Variants in DOCK10 observed in about 807,000 individuals in gnomAD.
The protein encoded by DOCK10 is dedicator of cytokinesis 10.
DOCK10 carries 145 observed loss-of-function variants against 280.1 expected under a neutral mutation model. The observed-to-expected ratio is 0.52, with a 90% CI of 0.45 to 0.59. The LOEUF (loss-of-function observed/expected upper bound fraction) is 0.59. Ranked by LOEUF, DOCK10 falls within the 20% of genes least tolerant of loss-of-function variation. The pLI is 0.00. For missense variants in DOCK10, 2,368 were observed against 2,651.7 expected (o/e 0.89, Z 2.35); for synonymous variants, 915 against 942.2 (o/e 0.97, Z 0.53).
chr2:224,916,125 GT>G (rs1701297110), intron 3 of DOCK10, among the ~76,000 whole-genome samples: 1 of 152,252 alleles, frequency 6.6e-6, no homozygotes, highest in South Asian at 2.1e-4. Flanking sequence ...GCTGGGCACA[GT>G]GGCTCATGCC....
intron 1 of DOCK10, among the ~76,000 whole-genome samples, chr2:225,030,487 G>C (rs1254853303): frequency 6.6e-6 from 1 of 152,122 alleles, no homozygotes; most frequent in East Asian, 1.9e-4. Flanking sequence ...TCTGCACCCT[G>C]CTCGGGGTGG....
intron 24 of DOCK10, among the ~76,000 whole-genome samples, chr2:224,838,424 T>G (rs930192665): frequency 6.6e-6 from 1 of 152,324 alleles, no homozygotes. Flanking sequence ...ATGGCTATAG[T>G]GCTTAGGAAT....
chr2:224,768,822 C>A (rs940997687), intron 55 of DOCK10: 1 of 447,846 alleles, frequency 2.2e-6, no homozygotes, highest in African/African-American at 2.0e-5. Context: ...GAGAGGGGTA[C>A]ACCAGAAGGC....
At chr2:224,932,661 T>A (rs1702459377) in intron 1 of DOCK10, among the ~76,000 whole-genome samples, 1 of 152,050 alleles carries the variant, frequency 6.6e-6, no homozygotes, top group Non-Finnish European at 1.5e-5. Context: ...GTGAAAAAAA[T>A]TATTATTTTT....
chr2:224,814,434 G>A (rs1693989985), intron 30 of DOCK10, 70 bp from the exon 31 acceptor site: 1 of 841,000 alleles, frequency 1.2e-6, no homozygotes, highest in Non-Finnish European at 1.8e-6. Context: ...TATTCATTAT[G>A]TGTAGTTTAT....
At chr2:224,965,402 C>G (rs1329603917) in intron 1 of DOCK10, among the ~76,000 whole-genome samples, 1 of 152,204 alleles carries the variant, frequency 6.6e-6, no homozygotes, top group Non-Finnish European at 1.5e-5. Flanking sequence ...CTACACAAGA[C>G]GGTCTGCAGT....
chr2:224,767,211 T>G (rs1210422118), intron 55 of DOCK10, among the ~76,000 whole-genome samples: 1 of 152,174 alleles, frequency 6.6e-6, no homozygotes, highest in East Asian at 1.9e-4. Context: ...TCACCCAGGT[T>G]GGAGTGCAGT....
At chr2:224,917,244 T>C (rs1243804382) in intron 2 of DOCK10, among the ~76,000 whole-genome samples, 1 of 151,906 alleles carries the variant, frequency 6.6e-6, no homozygotes, top group Non-Finnish European at 1.5e-5. Flanking sequence ...TAGCTGGGAT[T>C]ACAGGTGCCC....
At chr2:224,848,232 A>G (rs1166397027) in intron 19 of DOCK10, among the ~76,000 whole-genome samples, 4 of 152,210 alleles carry the variant, frequency 2.6e-5, no homozygotes, top group Non-Finnish European at 4.4e-5. Context: ...TAACAATTGC[A>G]TACTGTTTTA....
rs1312801790 is a variant in DOCK10, at chr2:224,786,120, G to A, written c.5655+902C>T. Among the ~76,000 whole-genome samples the A allele has an allele frequency of 3.3e-5, 5 of 152,054 alleles. No individual in the cohort carries two copies. The highest frequency in any genetic ancestry group is 7.2e-5 in the African/African-American group (3 of 41,400). ...CTGAGGCAGGAGAATTGCTTGAACC[G>A]GGACCCAGGAGGCGGAGGTTGCAGT... On this transcript the variant is annotated intron_variant, in intron 50 of 55. Transcript: ENST00000258390. The surrounding 1 kb of genome is among the most constrained non-coding windows in gnomAD (Gnocchi z 4.7).
At chr2:224,855,396 T>C (rs1278588478) in intron 15 of DOCK10, among the ~76,000 whole-genome samples, 1 of 152,254 alleles carries the variant, frequency 6.6e-6, no homozygotes, top group Non-Finnish European at 1.5e-5. Context: ...GTATTTAAAC[T>C]GGCTTAAGTA....
chr2:224,798,708 G>C (rs370159624), intron 41 of DOCK10, among the ~76,000 whole-genome samples: 190 of 150,482 alleles, frequency 1.3e-3, no homozygotes, highest in African/African-American at 4.1e-3. Flanking sequence ...CATAGCTCAC[G>C]GCAGCCTCCA....
At chr2:224,910,396 T>C (rs1018306775) in intron 3 of DOCK10, among the ~76,000 whole-genome samples, 6 of 152,186 alleles carry the variant, frequency 3.9e-5, no homozygotes, top group Non-Finnish European at 8.8e-5. Context: ...AGCAATTTTA[T>C]AGCAAAACAC....
chr2:224,990,108 G>T (rs1448484069), intron 1 of DOCK10, among the ~76,000 whole-genome samples: 1 of 152,176 alleles, frequency 6.6e-6, no homozygotes, highest in Admixed American at 6.5e-5. Flanking sequence ...TGGCATTGAT[G>T]CAGCTCAAAA....
chr2:225,039,571 C>A (rs556523743), intron 1 of DOCK10, among the ~76,000 whole-genome samples: 1 of 152,142 alleles, frequency 6.6e-6, no homozygotes, highest in African/African-American at 2.4e-5. Flanking sequence ...TTGGCATACA[C>A]CTGTATTGTC....
Position 225,015,336 on chromosome 2 carries a change from C to A in DOCK10, c.123+26916G>T, listed in dbSNP as rs957449444. On this transcript the variant is annotated intron_variant, in intron 1 of 55. Transcript: ENST00000258390. ...TGACTGAACTTTTATGAGAGCACTA[C>A]GTTCTAAGATGGCAGGATTTTACCA... is the stretch of plus-strand genomic sequence containing the variant. Among the ~76,000 whole-genome samples, 4 of 152,174 alleles carry A rather than the reference C, an allele frequency of 2.6e-5. No individual in the cohort carries two copies. The East Asian group carries it at 7.7e-4, about 29-fold the overall frequency.
At position 224,773,211 on chromosome 2, in the gene DOCK10, T is replaced by G. The variant is rs756229856; in HGVS notation, c.6150A>C (p.Glu2050Asp). 3.1e-6 allele frequency: 5 copies of G among 1,613,974 alleles called. No individual in the cohort carries two copies. The highest frequency in any genetic ancestry group is 4.2e-6 in the Non-Finnish European group (5 of 1,179,856). ...VSELNQLCTM[E>D]EVDMIRLQLK... ...GCTGCAGTCTGATCATGTCCACTTC[T>G]TCCATTGTGCAAAGCTGATTAAGCT... The change falls in exon 53 of 56, where the codon GAA (glutamate) becomes GAC (aspartate). Residue 2050 changes from glutamate (E) to aspartate (D), a missense_variant. Glu to Asp is a conservative substitution (Grantham distance 45). Transcript: ENST00000258390.
intron 11 of DOCK10, among the ~76,000 whole-genome samples, chr2:224,867,109 A>C (rs200370469): frequency 3.8e-4 from 51 of 132,904 alleles, no homozygotes; most frequent in Middle Eastern, 3.8e-3. Flanking sequence ...CACACACACA[A>C]AATTTATTTA....
chr2:225,041,981 T>A (rs762453827), intron 1 of DOCK10, among the ~76,000 whole-genome samples: 1 of 152,142 alleles, frequency 6.6e-6, no homozygotes, highest in Non-Finnish European at 1.5e-5. Context: ...CCCCTGCACA[T>A]CCTCTCCCAC....
Sources: allele counts gnomAD v4.1 joint callset (sites outside exome capture counted in the v4.1 genomes callset), GRCh38; gene constraint gnomAD v4.1.1; non-coding constraint Gnocchi (gnomAD v3.1); transcripts MANE v1.5; gene names NCBI Gene and HGNC (gene_info 2026-07-23, HGNC 2026-07-21).